Variants in TADA1 observed in about 807,000 individuals in gnomAD.
The protein encoded by TADA1 is transcriptional adapter 1.
A neutral mutation model predicts 39.3 loss-of-function variants in TADA1; 23 were observed. The ratio of observed to expected loss-of-function variants is 0.58; its 90% CI spans 0.42 to 0.83. The LOEUF (loss-of-function observed/expected upper bound fraction) is 0.83, where lower values mean the gene tolerates loss of function less well. Ranked by LOEUF, TADA1 falls within the 40% of genes least tolerant of loss-of-function variation. The pLI is 0.00. For synonymous variants in TADA1, 137 were observed against 151.8 expected (o/e 0.90, Z 0.72); for missense variants, 352 against 408.1 (o/e 0.86, Z 1.18).
At chr1:166,860,064 T>C (rs1658372631) in intron 6 of TADA1, 122 bp downstream of exon 6, 6 of 928,792 alleles carry the variant, frequency 6.5e-6, no homozygotes, top group East Asian at 2.8e-5. Context: ...AAAATAAAAT[T>C]GTACTCCTAT....
At chr1:166,868,575 T>C (rs928144853) in intron 3 of TADA1, among the ~76,000 whole-genome samples, 1 of 152,194 alleles carries the variant, frequency 6.6e-6, no homozygotes. Flanking sequence ...TAATCTAAAA[T>C]GTAGCTGAGT....
chr1:166,872,150 T>C (rs1303905849), intron 1 of TADA1, among the ~76,000 whole-genome samples: 3 of 152,246 alleles, frequency 2.0e-5, no homozygotes, highest in Non-Finnish European at 2.9e-5. Flanking sequence ...ATAGTTTGGA[T>C]ATTTGACCAA....
chr1:166,875,425 T>A (rs1203757036), intron 1 of TADA1, among the ~76,000 whole-genome samples: 3 of 152,158 alleles, frequency 2.0e-5, no homozygotes, highest in Non-Finnish European at 4.4e-5. Context: ...CTCTAATGCA[T>A]CAGTCGGGAA....
intron 1 of TADA1, among the ~76,000 whole-genome samples, chr1:166,872,201 C>G (rs1431137603): frequency 6.6e-6 from 1 of 152,116 alleles, no homozygotes; most frequent in Admixed American, 6.5e-5. Context: ...GGAGGTGGAG[C>G]CTAATGGGAG....
chr1:166,869,656 T>G (rs1165501887), intron 2 of TADA1, 107 bp downstream of exon 2: 1 of 1,415,164 alleles, frequency 7.1e-7, no homozygotes, highest in Non-Finnish European at 9.9e-7. Flanking sequence ...AAGATAACCT[T>G]ATACACCACA....
At chr1:166,869,147 A>G in intron 3 of TADA1, 1 of 379,858 alleles carries the variant, frequency 2.6e-6, no homozygotes, top group Non-Finnish European at 5.1e-6. Context: ...CAGAAACAGA[A>G]ATTCAAGCTT....
rs1157965564 is a variant in TADA1 at position 166,857,435 on chromosome 1, C to T, written c.*132G>A. 3.9e-6 allele frequency: 4 copies of T among 1,016,906 alleles called. No individual in the cohort carries two copies. The highest frequency in any genetic ancestry group is 2.5e-5 in the East Asian group (1 of 39,506). 63.0% of individuals were successfully genotyped at this position (1,016,906 alleles called of 1,614,324 possible). A position where few individuals can be genotyped will look rare whatever the true frequency, so the allele number is the denominator to read the frequency against. On this transcript the variant is annotated 3_prime_UTR_variant, in exon 8 of 8. Transcript: ENST00000367874. ...CTTCACAACAGCAACACAAAATGTA[C>T]TCAATGTCACATTTCCATAGGAAAG...
chr1:166,871,718 C>T (rs532554726), intron 1 of TADA1, among the ~76,000 whole-genome samples: 1 of 152,102 alleles, frequency 6.6e-6, no homozygotes, highest in African/African-American at 2.4e-5. Context: ...AGTAACTTTC[C>T]AACAGTGGAC....
At chr1:166,861,033 T>C (rs1658401066) in intron 5 of TADA1, among the ~76,000 whole-genome samples, 1 of 152,226 alleles carries the variant, frequency 6.6e-6, no homozygotes, top group Non-Finnish European at 1.5e-5. Context: ...GATCTGATAT[T>C]ATTGGAACCA....
In TADA1 at chr1:166,857,322, G is replaced by A. The variant is rs1437619805; in HGVS notation, c.*245C>T. 1 of 456,934 alleles carries A rather than the reference G, an allele frequency of 2.2e-6. No individual in the cohort carries two copies. The highest frequency in any genetic ancestry group is 2.0e-5 in the African/African-American group (1 of 50,204). 28.3% of individuals were successfully genotyped at this position (456,934 alleles called of 1,614,324 possible). A position where few individuals can be genotyped will look rare whatever the true frequency, so the allele number is the denominator to read the frequency against. On this transcript the variant is annotated 3_prime_UTR_variant, in exon 8 of 8. Transcript: ENST00000367874. ...CAGGTACCTAAATATCTCCATTCCAGGCACAGGATTTCATTAGTGCCTGCT... is the reference window on the plus strand; with the variant it reads ...CAGGTACCTAAATATCTCCATTCCAAGCACAGGATTTCATTAGTGCCTGCT...
At chr1:166,858,384 T>C in intron 6 of TADA1, 103 bp from the exon 7 acceptor site, 9 of 863,366 alleles carry the variant, frequency 1.0e-5, no homozygotes, top group Non-Finnish European at 1.5e-5. Flanking sequence ...TTAATTGAAT[T>C]AGAAATCCAT....
intron 3 of TADA1, among the ~76,000 whole-genome samples, chr1:166,866,814 G>A (rs936337852): frequency 2.0e-5 from 3 of 150,914 alleles, no homozygotes; most frequent in Admixed American, 6.6e-5. Flanking sequence ...GCGCAATCTC[G>A]GCTCACTGCA....
At chr1:166,869,189 G>C in intron 3 of TADA1, 1 of 446,948 alleles carries the variant, frequency 2.2e-6, no homozygotes, top group South Asian at 2.7e-5. Context: ...CAGGAGGTTT[G>C]GGTTCCACTG....
At chr1:166,869,661 A>G in intron 2 of TADA1, 102 bp downstream of exon 2, 1 of 1,428,958 alleles carries the variant, frequency 7.0e-7, no homozygotes, top group Non-Finnish European at 9.7e-7. Context: ...AACCTTATAC[A>G]CCACAAAACC....
intron 6 of TADA1, 23 bp from the exon 7 acceptor site, chr1:166,858,304 T>C: frequency 2.0e-6 from 3 of 1,519,220 alleles, no homozygotes; most frequent in Non-Finnish European, 2.6e-6. Flanking sequence ...ATTTCAGAAA[T>C]AGTCCCAGCA....
At chr1:166,868,635 T>C (rs946820500) in intron 3 of TADA1, 1 of 152,322 alleles carries the variant, frequency 6.6e-6, no homozygotes, top group African/African-American at 2.4e-5. Flanking sequence ...TAACCTGCTT[T>C]ACAAGGCTCC....
At chr1:166,867,722 C>A (rs541782197) in intron 3 of TADA1, among the ~76,000 whole-genome samples, 1 of 151,864 alleles carries the variant, frequency 6.6e-6, no homozygotes, top group African/African-American at 2.4e-5. Flanking sequence ...TACAGATGTG[C>A]GCCACCACGC....
intron 3 of TADA1, among the ~76,000 whole-genome samples, chr1:166,864,644 C>T (rs1658488773): frequency 6.6e-6 from 1 of 152,180 alleles, no homozygotes; most frequent in Admixed American, 6.5e-5. Context: ...AATCAAAGTG[C>T]TGGGCCTCGT....
chr1:166,876,098 C>T (rs373173868), intron 1 of TADA1, 62 bp downstream of exon 1: 87 of 1,493,266 alleles, frequency 5.8e-5, no homozygotes, highest in Non-Finnish European at 1.4e-5. Flanking sequence ...GGCGGGCTGG[C>T]AGCCCGAGGC....
Sources: allele counts gnomAD v4.1 joint callset (sites outside exome capture counted in the v4.1 genomes callset), GRCh38; gene constraint gnomAD v4.1.1; transcripts MANE v1.5; gene names NCBI Gene and HGNC (gene_info 2026-07-23, HGNC 2026-07-21).